The following GRIP1 variants were observed in gnomAD, a reference collection of about 807,000 sequenced individuals.
The protein encoded by GRIP1 is glutamate receptor-interacting protein 1.
Under a neutral mutation model 129.9 loss-of-function variants are expected in GRIP1, and 45 were observed. The ratio of observed to expected loss-of-function variants is 0.35; its 90% CI spans 0.27 to 0.44. GRIP1 has a LOEUF of 0.44. Ranked by LOEUF, GRIP1 falls within the 20% of genes least tolerant of loss-of-function variation. GRIP1 has a pLI of 1.00. For synonymous variants in GRIP1, 530 were observed against 520.8 expected, an observed-to-expected ratio of 1.02 and a Z score of -0.24; for missense variants, 1,196 against 1,396.8, an observed-to-expected ratio of 0.86 and a Z score of 2.29.
chr12:66,565,468 G>A (rs1044689590), intron 2 of GRIP1, among the ~76,000 whole-genome samples: 4 of 152,138 alleles, frequency 2.6e-5, no homozygotes, highest in African/African-American at 7.2e-5. Flanking sequence ...GCTCTGTTCT[G>A]TTCCATTGGT....
At chr12:66,527,141 A>C (rs1039955120) in intron 5 of GRIP1, among the ~76,000 whole-genome samples, 3 of 147,370 alleles carry the variant, frequency 2.0e-5, no homozygotes, top group Admixed American at 6.8e-5. Flanking sequence ...ATCTAGAACT[A>C]GAAATACCAT....
intron 2 of GRIP1, among the ~76,000 whole-genome samples, chr12:66,557,656 CAA>C (rs1223761910): frequency 1.4e-4 from 21 of 152,048 alleles, no homozygotes; most frequent in African/African-American, 4.8e-4. Context: ...AAATCAGTAA[CAA>C]GAGGAATTTT....
At chr12:66,982,092 C>T (rs2042248796) in intron 1 of GRIP1, among the ~76,000 whole-genome samples, 1 of 152,164 alleles carries the variant, frequency 6.6e-6, no homozygotes, top group South Asian at 2.1e-4. Flanking sequence ...TGGATAGTAA[C>T]TCTGTGACTT....
intron 2 of GRIP1, among the ~76,000 whole-genome samples, chr12:66,558,989 T>C (rs963353192): frequency 1.3e-5 from 2 of 152,006 alleles, no homozygotes; most frequent in Non-Finnish European, 2.9e-5. Context: ...CATGACCAAG[T>C]GAAATTTATC....
chr12:66,790,596 C>T (rs1418377582), intron 1 of GRIP1, among the ~76,000 whole-genome samples: 1 of 151,972 alleles, frequency 6.6e-6, no homozygotes, highest in Non-Finnish European at 1.5e-5. Flanking sequence ...TAATAGAAAA[C>T]TTAGATAACG....
chr12:66,897,519 G>A (rs547863568), intron 1 of GRIP1, among the ~76,000 whole-genome samples: 8 of 152,326 alleles, frequency 5.3e-5, no homozygotes, highest in Admixed American at 4.6e-4. Flanking sequence ...AGCTGAGGAA[G>A]GCAATCAGCC....
intron 1 of GRIP1, among the ~76,000 whole-genome samples, chr12:66,663,464 T>C (rs890555279): frequency 3.2e-4 from 48 of 152,158 alleles, no homozygotes; most frequent in African/African-American, 1.1e-3. Context: ...TTAAATGTTA[T>C]GAGTTCAAAT....
At chr12:66,354,877 T>C (rs1180773175) in intron 23 of GRIP1, among the ~76,000 whole-genome samples, 1 of 152,152 alleles carries the variant, frequency 6.6e-6, no homozygotes, top group African/African-American at 2.4e-5. Context: ...TCAAGCTGAC[T>C]GGGTCAACAC....
At chr12:66,973,983 C>T (rs924692206) in intron 1 of GRIP1, among the ~76,000 whole-genome samples, 1 of 136,072 alleles carries the variant, frequency 7.3e-6, no homozygotes, top group African/African-American at 2.8e-5. Flanking sequence ...AGTGTAATGG[C>T]GTGATCTCGG....
chr12:66,966,925 T>A (rs2042006005), intron 1 of GRIP1, among the ~76,000 whole-genome samples: 1 of 152,192 alleles, frequency 6.6e-6, no homozygotes, highest in Non-Finnish European at 1.5e-5. Flanking sequence ...GAGTGGAAAA[T>A]TACCACTTTC....
intron 7 of GRIP1, among the ~76,000 whole-genome samples, chr12:66,507,963 G>A (rs1287094647): frequency 2.6e-5 from 4 of 152,108 alleles, no homozygotes; most frequent in Admixed American, 2.6e-4. Flanking sequence ...CTAAGGAAAT[G>A]ATAAAACTTT....
intron 2 of GRIP1, among the ~76,000 whole-genome samples, chr12:66,584,218 T>G (rs1592598807): frequency 1.6e-5 from 2 of 128,400 alleles, no homozygotes; most frequent in African/African-American, 3.0e-5. Flanking sequence ...TGAGATCACA[T>G]GGACACAGGA....
At position 66,851,053 on chromosome 12, in the gene GRIP1, C is replaced by A. The variant is rs1319894678; in HGVS notation, c.58+217997G>T. Among the ~76,000 whole-genome samples the A allele has an allele frequency of 4.0e-5, 6 of 151,144 alleles. No homozygotes were observed. The East Asian group carries it at 1.2e-3, about 29-fold the overall frequency. On this transcript the variant is annotated intron_variant, in intron 1 of 1. Coordinates refer to the GRIP1 transcript ENST00000643019. The stretch of plus-strand genomic sequence containing the variant: ...AAAGTGATTTGAGGTAAATACTCAG[C>A]AAATAGTAGGCGCTGAATAAATGTC...
At chr12:66,785,569 C>T (rs1259848839) in intron 1 of GRIP1, among the ~76,000 whole-genome samples, 1 of 151,368 alleles carries the variant, frequency 6.6e-6, no homozygotes, top group African/African-American at 2.4e-5. Context: ...TGCAAGTTCC[C>T]CATATCAAAA....
chr12:66,463,123 G>T, intron 8 of GRIP1, 30 bp from the exon 9 acceptor site: 1 of 1,583,226 alleles, frequency 6.3e-7, no homozygotes, highest in Non-Finnish European at 8.7e-7. Flanking sequence ...TCGGTAAGAG[G>T]CAGTGCCTTC....
In GRIP1 at chr12:66,749,553, A is replaced by G. The variant is rs139365561; in HGVS notation, c.-420+54500T>C. On this transcript the variant is annotated intron_variant, in intron 1 of 4. Transcript: ENST00000538373. ...ACTCTTCTTAAACGTTGATTTTGTA[A>G]AACTGTAATCCTTTTTTCTAACCGG... Among the ~76,000 whole-genome samples the G allele has an allele frequency of 1.6e-3, 239 of 152,278 alleles. 1 individual carries two copies. Among genetic ancestry groups the G allele is most frequent in the Middle Eastern group, 0.01 (3 of 294 alleles).
At chr12:66,556,115 T>G (rs1237673465) in intron 2 of GRIP1, among the ~76,000 whole-genome samples, 1 of 151,916 alleles carries the variant, frequency 6.6e-6, no homozygotes, top group Non-Finnish European at 1.5e-5. Context: ...GAAGACTGCC[T>G]CAAGACATTT....
At chr12:66,522,947 A>T (rs1003583811) in intron 5 of GRIP1, among the ~76,000 whole-genome samples, 4 of 152,316 alleles carry the variant, frequency 2.6e-5, no homozygotes, top group Admixed American at 2.6e-4. Context: ...AGATGAAATG[A>T]ATGAAATGAA....
At chr12:66,487,181 G>A (rs933943287) in intron 7 of GRIP1, among the ~76,000 whole-genome samples, 3 of 152,032 alleles carry the variant, frequency 2.0e-5, no homozygotes, top group African/African-American at 7.2e-5. Flanking sequence ...CACAAGCTCT[G>A]GAAGCCTTTA....
Sources: gnomAD v4.1 joint callset for allele counts (sites outside exome capture counted in the v4.1 genomes callset) on GRCh38, gnomAD v4.1.1 for gene constraint, MANE v1.5 for transcripts, NCBI Gene and HGNC (gene_info 2026-07-23, HGNC 2026-07-21) for gene names.